AP3S2: variants seen among roughly 807,000 people sequenced by gnomAD.
AP3S2 encodes AP-3 complex subunit sigma-2.
A neutral mutation model predicts 23.4 loss-of-function variants in AP3S2; 22 were observed. The observed-to-expected ratio is 0.94, with a 90% CI of 0.67 to 1.34. The LOEUF (loss-of-function observed/expected upper bound fraction) is 1.34. Among genes scored for constraint, AP3S2 ranks in the 40% most tolerant of loss-of-function variants. AP3S2 has a pLI of 0.00. For missense variants in AP3S2, 241 were observed against 236.9 expected (o/e 1.02, Z -0.11); for synonymous variants, 86 against 87.1 (o/e 0.99, Z 0.07).
chr15:89,874,932 C>G (rs1304776827), intron 3 of AP3S2, among the ~76,000 whole-genome samples: 1 of 152,070 alleles, frequency 6.6e-6, no homozygotes, highest in East Asian at 1.9e-4. Flanking sequence ...AAAAGACAAG[C>G]TAACTGATAA....
At chr15:89,852,745 C>A (rs893613) in intron 4 of AP3S2, 63,478 of 152,070 alleles carry the variant, frequency 0.42, 13,365 homozygotes, top group East Asian at 0.57. Flanking sequence ...CTAAGGAGAC[C>A]ATCTCCATCC....
At chr15:89,858,489 A>AGAG (rs1567178678) in intron 4 of AP3S2, among the ~76,000 whole-genome samples, 28 of 41,832 alleles carry the variant, frequency 6.7e-4, no homozygotes, top group East Asian at 4.2e-3. Context: ...GAAAGAAAGA[A>AGAG]AGAAAGAGAG....
chr15:89,839,853 T>C (rs1428735565), intron 4 of AP3S2, among the ~76,000 whole-genome samples: 4 of 152,150 alleles, frequency 2.6e-5, no homozygotes, highest in African/African-American at 4.8e-5. Context: ...GAATTCTTTT[T>C]TTTTTTTTCA....
At chr15:89,889,214 G>C (rs1896764857) in intron 1 of AP3S2, 74 bp from the exon 2 acceptor site, 4 of 1,524,992 alleles carry the variant, frequency 2.6e-6, no homozygotes, top group Non-Finnish European at 3.6e-6. Flanking sequence ...GATGGACAAG[G>C]GAAGAAGTGT....
chr15:89,871,516 C>A lies in AP3S2; in HGVS notation c.304G>T (p.Glu102Ter). ...VFVETLDKCF[E>*]NVCELDLIFH... ...ATCAAATCCAATTCACACACATTTT[C>A]GAAACACTTATCCAGAGTTTCCACA... The change falls in exon 4 of 6, where the codon GAA (glutamate) becomes TAA (stop). Residue 102 changes from glutamate to a stop codon, truncating the protein, a stop_gained. Coordinates refer to ENST00000336418, the MANE Select transcript of AP3S2 (RefSeq NM_005829.5). LOFTEE classifies it high-confidence loss of function. The A allele has an allele frequency of 1.2e-6, 2 of 1,613,590 alleles. No homozygotes were observed. The highest frequency in any genetic ancestry group is 1.7e-6 in the Non-Finnish European group (2 of 1,179,860).
intron 4 of AP3S2, among the ~76,000 whole-genome samples, chr15:89,870,602 A>T (rs965696165): frequency 1.3e-5 from 2 of 152,190 alleles, no homozygotes; most frequent in Non-Finnish European, 2.9e-5. Context: ...AAACAACAAG[A>T]AAGTCCTTTA....
intron 1 of AP3S2, among the ~76,000 whole-genome samples, chr15:89,891,232 T>C (rs1422108230): frequency 1.3e-5 from 2 of 152,214 alleles, no homozygotes; most frequent in African/African-American, 4.8e-5. Context: ...TTTAGTACTC[T>C]GTAGTTTTCA....
intron 4 of AP3S2, among the ~76,000 whole-genome samples, chr15:89,867,745 T>C (rs1256787): frequency 4.1e-4 from 51 of 125,166 alleles, no homozygotes; most frequent in Admixed American, 1.5e-3. Flanking sequence ...CCGGCCGCCC[T>C]GTCTGAGAAG....
chr15:89,835,563 G>A lies in AP3S2; in HGVS notation c.534C>T (p.Asn178=), dbSNP rs1234221274. ...INLPEIPRNI[N]IGDLNIKVPN... ...GAACTTTGATGTTGAGATCGCCAAT[G>A]TTGATGTTCCGAGGAATCTCTGGCA... Residue 178 remains asparagine, a synonymous_variant, in exon 6 of 6, where the codon AAC becomes AAT. Transcript: ENST00000336418. 5 of 1,614,066 alleles carry A rather than the reference G, an allele frequency of 3.1e-6. No individual in the cohort carries two copies. The highest frequency in any genetic ancestry group is 4.2e-6 in the Non-Finnish European group (5 of 1,180,030).
chr15:89,850,315 C>A (rs1895614486), intron 4 of AP3S2, among the ~76,000 whole-genome samples: 1 of 152,214 alleles, frequency 6.6e-6, no homozygotes. Context: ...TTCTCTCTTT[C>A]ACTCACAGGA....
chr15:89,869,759 T>G (rs920834379), intron 4 of AP3S2, among the ~76,000 whole-genome samples: 16 of 143,182 alleles, frequency 1.1e-4, no homozygotes, highest in African/African-American at 3.8e-4. Context: ...AATTTGGTTG[T>G]TTTTTTTTTT....
chr15:89,865,844 GA>G (rs1896104818), intron 4 of AP3S2, among the ~76,000 whole-genome samples: 1 of 152,132 alleles, frequency 6.6e-6, no homozygotes, highest in South Asian at 2.1e-4. Context: ...TTCATATAAT[GA>G]AATCCTATGC....
At chr15:89,861,900 T>C (rs1363912490) in intron 4 of AP3S2, among the ~76,000 whole-genome samples, 1 of 152,118 alleles carries the variant, frequency 6.6e-6, no homozygotes, top group African/African-American at 2.4e-5. Context: ...GGTGGTAGGA[T>C]TTGAGCAGCA....
chr15:89,885,780 A>G (rs1596221863), intron 3 of AP3S2, among the ~76,000 whole-genome samples: 1 of 152,020 alleles, frequency 6.6e-6, no homozygotes, highest in East Asian at 1.9e-4. Context: ...CATCTCTAAA[A>G]AATTCAAAAA....
rs187999521 is a variant in AP3S2 at position 89,839,208 on chromosome 15, G to A, written c.346-1486C>T. Among the ~76,000 whole-genome samples the A allele has an allele frequency of 3.9e-5, 6 of 152,340 alleles. No homozygotes were observed. The East Asian group carries it at 1.2e-3, about 29-fold the overall frequency. Reference sequence around the variant, plus strand: ...GCAATGCAGAGTCAAGAAGAAAGATGTGTCTGCATATCTGGGCACTGTGCA... The same window carrying A: ...GCAATGCAGAGTCAAGAAGAAAGATATGTCTGCATATCTGGGCACTGTGCA... On this transcript the variant is annotated intron_variant, in intron 4 of 5. Transcript: ENST00000336418.
At chr15:89,853,081 A>C (rs1226125713) in intron 4 of AP3S2, among the ~76,000 whole-genome samples, 1 of 152,202 alleles carries the variant, frequency 6.6e-6, no homozygotes, top group East Asian at 1.9e-4. Flanking sequence ...GTGTCACTGA[A>C]CTATCATAAG....
chr15:89,879,260 T>A (rs1049868930), intron 3 of AP3S2, among the ~76,000 whole-genome samples: 1 of 152,374 alleles, frequency 6.6e-6, no homozygotes, highest in East Asian at 1.9e-4. Context: ...AGTACAAGTA[T>A]CAAAGGCAAA....
intron 4 of AP3S2, chr15:89,852,406 T>C (rs147897976): frequency 3.9e-5 from 6 of 152,356 alleles, no homozygotes; most frequent in African/African-American, 7.2e-5. Context: ...TGCAACAGTA[T>C]AGATCCTTCA....
At chr15:89,890,634 G>A (rs745617610) in intron 1 of AP3S2, among the ~76,000 whole-genome samples, 3 of 152,138 alleles carry the variant, frequency 2.0e-5, no homozygotes, top group Non-Finnish European at 4.4e-5. Flanking sequence ...TAAGCACCCA[G>A]GCAATAACAT....
Sources: gnomAD v4.1 joint callset for allele counts (sites outside exome capture counted in the v4.1 genomes callset) on GRCh38, gnomAD v4.1.1 for gene constraint, MANE v1.5 for transcripts, NCBI Gene and HGNC (gene_info 2026-07-23, HGNC 2026-07-21) for gene names.